Variants in ACO2 observed in about 807,000 individuals in gnomAD.
The protein encoded by ACO2 is aconitate hydratase, mitochondrial.
A neutral mutation model predicts 84.5 loss-of-function variants in ACO2; 31 were observed. That is an observed-to-expected ratio of 0.37 (90% CI 0.28 to 0.50). The LOEUF is 0.50. ACO2 is among the 20% of genes least tolerant of loss of function. The pLI is 0.97. For synonymous variants in ACO2, 414 were observed against 412.7 expected (o/e 1.00, Z -0.04); for missense variants, 685 against 1,029.3 (o/e 0.67, Z 4.58).
At chr22:41,490,311 G>A in intron 1 of ACO2, among the ~76,000 whole-genome samples, 1 of 152,094 alleles carries the variant, frequency 6.6e-6, no homozygotes, top group East Asian at 1.9e-4. Context: ...GGGCGACAGA[G>A]CAAGACTCTG....
intron 4 of ACO2, among the ~76,000 whole-genome samples, chr22:41,514,639 A>G (rs757860604): frequency 5.9e-5 from 9 of 152,106 alleles, no homozygotes; most frequent in Non-Finnish European, 1.2e-4. Context: ...TGTTGAGCCT[A>G]TACAGCACCC....
chr22:41,516,090 G>A (rs961784522), intron 6 of ACO2, 173 bp downstream of exon 6: 1 of 799,970 alleles, frequency 1.3e-6, no homozygotes, highest in Non-Finnish European at 2.1e-6. Context: ...AGATTGTCTA[G>A]TCCACATCCT....
At chr22:41,469,351 A>G (rs2037911265) in intron 1 of ACO2, 169 bp downstream of exon 1, 1 of 712,534 alleles carries the variant, frequency 1.4e-6, no homozygotes, top group Non-Finnish European at 2.2e-6. Context: ...GCCCTAGGTC[A>G]AGGCGTCCCC....
chr22:41,527,900 G>C lies in ACO2; in HGVS notation c.2087-1G>C. 6.2e-7 allele frequency: 1 copy of C among 1,614,182 alleles called. No individual in the cohort carries two copies. Among genetic ancestry groups the C allele is most frequent in the Non-Finnish European group, 8.5e-7 (1 of 1,180,038 alleles). ...ATGACCGAATGCCGCCTGCTTTCCA[G>C]AGACCAACCTGAAGAAACAGGGCCT... On this transcript the variant is annotated splice_acceptor_variant, in intron 16 of 17. Transcript: ENST00000216254. LOFTEE classifies it high-confidence loss of function.
Position 41,528,606 on chromosome 22 carries a change from AAC to A in ACO2, c.2338_2339del (p.Gln780ValfsTer63), listed in dbSNP as rs1114167284. 1 of 1,609,284 alleles carries A rather than the reference AAC, an allele frequency of 6.2e-7. No individual in the cohort carries two copies. The highest frequency in any genetic ancestry group is 8.5e-7 in the Non-Finnish European group (1 of 1,179,220). On this transcript the variant is annotated frameshift_variant, in exon 18 of 18. Transcript: ENST00000216254. LOFTEE classifies it high-confidence loss of function. ...GCCCTCAACAGAATGAAGGAACTGCAACAGTGAGGGCAGTGCCTCCCCGCCCC... is the reference window on the plus strand; with the variant it reads ...GCCCTCAACAGAATGAAGGAACTGCAAGTGAGGGCAGTGCCTCCCCGCCCC...
chr22:41,518,619 G>T (rs1379866459), intron 8 of ACO2, 47 bp downstream of exon 8: 1 of 1,430,832 alleles, frequency 7.0e-7, no homozygotes, highest in Admixed American at 1.7e-5. Flanking sequence ...AGAGTAGTGG[G>T]GAGCAGGGCG....
At chr22:41,520,859 T>A (rs554158472) in intron 9 of ACO2, among the ~76,000 whole-genome samples, 81 of 139,102 alleles carry the variant, frequency 5.8e-4, no homozygotes, top group African/African-American at 2.1e-3. Flanking sequence ...AAAAAAAAAA[T>A]TGGCCAGGTG....
intron 1 of ACO2, among the ~76,000 whole-genome samples, chr22:41,497,068 CT>C (rs1201512137): frequency 6.6e-6 from 1 of 151,580 alleles, no homozygotes; most frequent in Non-Finnish European, 1.5e-5. Context: ...GCTGTCATTT[CT>C]TTTTTCTTTT....
At chr22:41,517,750 C>A in intron 7 of ACO2, 119 bp downstream of exon 7, 1 of 846,194 alleles carries the variant, frequency 1.2e-6, no homozygotes, top group Non-Finnish European at 1.9e-6. Context: ...TCCAGACAGG[C>A]GTCCGAGGCT....
At chr22:41,516,242 C>T (rs1483631184) in intron 6 of ACO2, 18 of 582,518 alleles carry the variant, frequency 3.1e-5, no homozygotes, top group Non-Finnish European at 2.1e-5. Context: ...GTGATCTAGA[C>T]GAATCCAGAG....
chr22:41,509,031 T>C (rs956139439), intron 3 of ACO2, among the ~76,000 whole-genome samples: 3 of 152,144 alleles, frequency 2.0e-5, no homozygotes, highest in African/African-American at 7.2e-5. Flanking sequence ...AGTGGCTCTT[T>C]CCCCTCAGCT....
intron 12 of ACO2, 152 bp from the exon 13 acceptor site, chr22:41,524,694 C>G (rs1173310325): frequency 8.0e-7 from 1 of 1,255,152 alleles, no homozygotes; most frequent in East Asian, 2.3e-5. Flanking sequence ...AAAGATCGTC[C>G]TGCAGCTCTG....
At chr22:41,509,478 A>T (rs1241268964) in intron 3 of ACO2, among the ~76,000 whole-genome samples, 4 of 152,102 alleles carry the variant, frequency 2.6e-5, no homozygotes, top group Non-Finnish European at 5.9e-5. Context: ...AAAGTGCGGG[A>T]CTTGGTCAGT....
intron 1 of ACO2, among the ~76,000 whole-genome samples, chr22:41,475,299 A>G (rs1457294898): frequency 6.7e-6 from 1 of 149,636 alleles, no homozygotes; most frequent in African/African-American, 2.5e-5. Context: ...CAGCCTCCCT[A>G]GTAGCTGGGA....
intron 1 of ACO2, among the ~76,000 whole-genome samples, chr22:41,475,897 CA>C (rs34893746): frequency 2.7e-3 from 310 of 112,870 alleles, no homozygotes; most frequent in Admixed American, 3.7e-3. Flanking sequence ...AACTCTGTCT[CA>C]AAAAAAAAAA....
chr22:41,477,254 C>T (rs900069747), intron 1 of ACO2, among the ~76,000 whole-genome samples: 3 of 151,420 alleles, frequency 2.0e-5, no homozygotes, highest in East Asian at 3.9e-4. Flanking sequence ...CCCGGGTTCA[C>T]GCCATTCTCC....
At chr22:41,488,549 G>C (rs2066249036) in intron 1 of ACO2, among the ~76,000 whole-genome samples, 1 of 152,196 alleles carries the variant, frequency 6.6e-6, no homozygotes, top group African/African-American at 2.4e-5. Context: ...TGTGTGACCA[G>C]CCAGTGGCCT....
rs375633363 is a variant in ACO2 at position 41,521,035 on chromosome 22, C to CAA, written c.1138+782_1138+783dup. On this transcript the variant is annotated intron_variant, in intron 9 of 17. Coordinates refer to ENST00000216254, the MANE Select transcript of ACO2 (RefSeq NM_001098.3). ...AGACTCAAGCAACAGAGCCTGCCTC[C>CAA]AAAAAAAAAAAAAAAAAAAAAAAAG... Among the ~76,000 whole-genome samples the CAA allele has an allele frequency of 6.9e-3, 558 of 81,414 alleles. 4 individuals are homozygous for CAA. The highest frequency in any genetic ancestry group is 0.029 in the African/African-American group (411 of 14,184). 53.4% of individuals were successfully genotyped at this position (81,414 alleles called of 152,430 possible). A position where few individuals can be genotyped will look rare whatever the true frequency, so the allele number is the denominator to read the frequency against.
At chr22:41,471,648 T>C (rs1048118502) in intron 1 of ACO2, among the ~76,000 whole-genome samples, 2 of 152,196 alleles carry the variant, frequency 1.3e-5, no homozygotes, top group African/African-American at 4.8e-5. Context: ...CAGCCAAATA[T>C]AGTATTTTTC....
Sources: allele counts gnomAD v4.1 joint callset (sites outside exome capture counted in the v4.1 genomes callset), GRCh38; gene constraint gnomAD v4.1.1; transcripts MANE v1.5; gene names NCBI Gene and HGNC (gene_info 2026-07-23, HGNC 2026-07-21).